Variants in BCR observed in about 807,000 individuals in gnomAD.
The protein encoded by BCR is BCR activator of RhoGEF and GTPase.
Under a neutral mutation model 138.6 loss-of-function variants are expected in BCR, and 58 were observed. The ratio of observed to expected loss-of-function variants is 0.42; its 90% CI spans 0.34 to 0.52. BCR has a LOEUF of 0.52. BCR is among the 20% of genes least tolerant of loss of function. The probability of loss-of-function intolerance (pLI) is 0.06; values close to 1 mark genes in which losing one functional copy is unlikely to be tolerated. For synonymous variants in BCR, 786 were observed against 730.1 expected (o/e 1.08, Z -1.23); for missense variants, 1,599 against 1,727.2 (o/e 0.93, Z 1.32).
intron 2 of BCR, among the ~76,000 whole-genome samples, chr22:23,255,081 T>C (rs2073277731): frequency 6.6e-6 from 1 of 152,172 alleles, no homozygotes; most frequent in African/African-American, 2.4e-5. Context: ...GATGGACTTT[T>C]CCCCATTTCT....
chr22:23,186,611 A>G (rs1025419956), intron 1 of BCR, among the ~76,000 whole-genome samples: 1 of 152,128 alleles, frequency 6.6e-6, no homozygotes, highest in Non-Finnish European at 1.5e-5. Flanking sequence ...TTCAGCTATT[A>G]TAGATACCTC....
At chr22:23,224,848 C>T (rs903909045) in intron 1 of BCR, among the ~76,000 whole-genome samples, 16 of 152,174 alleles carry the variant, frequency 1.1e-4, no homozygotes, top group African/African-American at 3.1e-4. Flanking sequence ...CGCCACTGCA[C>T]TCCATCCTGG....
chr22:23,266,493 G>T (rs935659316), intron 4 of BCR, among the ~76,000 whole-genome samples: 1 of 152,034 alleles, frequency 6.6e-6, no homozygotes, highest in Non-Finnish European at 1.5e-5. Flanking sequence ...AGGTTCAAGC[G>T]ATTCTCCTGT....
chr22:23,183,796 T>A (rs1352958993), intron 1 of BCR, among the ~76,000 whole-genome samples: 1 of 152,266 alleles, frequency 6.6e-6, no homozygotes. Flanking sequence ...TGGAGAATTC[T>A]GGGTTTCCAG....
intron 1 of BCR, among the ~76,000 whole-genome samples, chr22:23,191,436 A>G (rs1449050833): frequency 6.8e-6 from 1 of 147,642 alleles, no homozygotes; most frequent in Non-Finnish European, 1.5e-5. Flanking sequence ...CTGATCTCCA[A>G]GGGCCTTGTC....
At chr22:23,245,443 G>A (rs2073145496) in intron 1 of BCR, among the ~76,000 whole-genome samples, 1 of 152,122 alleles carries the variant, frequency 6.6e-6, no homozygotes, top group African/African-American at 2.4e-5. Flanking sequence ...ATGAGGGCTG[G>A]GAGGCCACAG....
chr22:23,288,284 A>G, intron 12 of BCR, 112 bp downstream of exon 12: 1 of 1,108,260 alleles, frequency 9.0e-7, no homozygotes. Flanking sequence ...ATCCAAGTGA[A>G]GTGTTGCATG....
chr22:23,308,535 G>A (rs1295919759), intron 16 of BCR, among the ~76,000 whole-genome samples: 2 of 152,086 alleles, frequency 1.3e-5, no homozygotes, highest in South Asian at 2.1e-4. Context: ...TCAACCTCCC[G>A]ACCTCGTGAT....
chr22:23,292,464 T>A, intron 14 of BCR, 77 bp from the exon 15 acceptor site: 1 of 1,038,632 alleles, frequency 9.6e-7, no homozygotes, highest in Non-Finnish European at 1.5e-6. Context: ...ATTCTGCAAA[T>A]AACACCTGCT....
chr22:23,186,967 C>G (rs111888690), intron 1 of BCR, among the ~76,000 whole-genome samples: 3 of 152,338 alleles, frequency 2.0e-5, no homozygotes, highest in Admixed American at 6.5e-5. Flanking sequence ...AACTCCTGAC[C>G]TCAAGTGATC....
At chr22:23,185,439 G>A (rs1203202707) in intron 1 of BCR, among the ~76,000 whole-genome samples, 2 of 152,132 alleles carry the variant, frequency 1.3e-5, no homozygotes, top group South Asian at 2.1e-4. Context: ...TCCAAGGCGG[G>A]TGGATCACAA....
In BCR at chr22:23,313,009, G is replaced by T. The variant is rs200099830; in HGVS notation, c.3445G>T (p.Ala1149Ser). 5 of 1,574,542 alleles carry T rather than the reference G, an allele frequency of 3.2e-6. No individual in the cohort carries two copies. The highest frequency in any genetic ancestry group is 1.3e-5 in the African/African-American group (1 of 74,476). The stretch of plus-strand genomic sequence containing the variant: ...CACTGACGAGTTCTACCCCAACTTC[G>T]CAGAGGGCATCGGTGAGCACTGGAG... ...LFTDEFYPNFAEGIALSDPVA... is the reference protein window; with the variant it reads ...LFTDEFYPNFSEGIALSDPVA... Residue 1149 changes from alanine (A) to serine (S), a missense_variant, in exon 20 of 23, where the codon GCA becomes TCA. Ala to Ser is a moderately conservative substitution (Grantham distance 99). Transcript: ENST00000305877.
chr22:23,235,144 A>T lies in BCR; in HGVS notation c.1280-18655A>T, dbSNP rs769622855. ...TTGAGATGGAGTCTCTCGCTCTGTC[A>T]CCCAGGCTGGAGTGCAGTGGTACGA... On this transcript the variant is annotated intron_variant, in intron 1 of 22. Coordinates refer to ENST00000305877, the MANE Select transcript of BCR (RefSeq NM_004327.4). 2.0e-4 allele frequency among the ~76,000 whole-genome samples: 29 copies of T among 143,760 alleles called. 4 individuals are homozygous for T. Among genetic ancestry groups the T allele is most frequent in the Admixed American group, 1.4e-3 (20 of 14,282 alleles). The allele number at this position is 143,760 out of a possible 152,430, so 94.3% of individuals were successfully genotyped here. A position where few individuals can be genotyped will look rare whatever the true frequency, so the allele number is the denominator to read the frequency against.
intron 4 of BCR, among the ~76,000 whole-genome samples, chr22:23,262,310 C>A (rs1183319068): frequency 1.3e-5 from 2 of 152,154 alleles, no homozygotes; most frequent in Non-Finnish European, 2.9e-5. Flanking sequence ...TGGCCTCGGG[C>A]CTCCCCTTGG....
intron 1 of BCR, among the ~76,000 whole-genome samples, chr22:23,215,534 A>C (rs1409900440): frequency 6.6e-6 from 1 of 152,204 alleles, no homozygotes; most frequent in African/African-American, 2.4e-5. Context: ...TTCTCTGCCA[A>C]GGGAGCTTGA....
In BCR at chr22:23,292,514, C is replaced by G. The variant is rs1242156959; in HGVS notation, c.2783-27C>G. The stretch of plus-strand genomic sequence containing the variant: ...GGGTGATGTGGAAAAGACCTGTGAC[C>G]TTCTCCATGTCCACTTCTCCCCACA... On this transcript the variant is annotated intron_variant, in intron 14 of 22. Coordinates refer to ENST00000305877, the MANE Select transcript of BCR (RefSeq NM_004327.4). The G allele has an allele frequency of 1.9e-6, 3 of 1,560,284 alleles. No individual in the cohort carries two copies. In the African/African-American group the frequency reaches 4.1e-5, roughly 21 times the overall value.
intron 8 of BCR, among the ~76,000 whole-genome samples, chr22:23,279,008 G>A (rs1055040324): frequency 2.6e-5 from 4 of 152,238 alleles, no homozygotes; most frequent in Admixed American, 6.5e-5. Context: ...GCGTGGGCAC[G>A]TTGCTTACCT....
intron 1 of BCR, among the ~76,000 whole-genome samples, chr22:23,213,629 C>T (rs1160220963): frequency 1.3e-5 from 2 of 152,102 alleles, no homozygotes; most frequent in African/African-American, 4.8e-5. Flanking sequence ...TTGAGACCAG[C>T]CTGGGCAAGA....
chr22:23,314,676 A>C lies in BCR; in HGVS notation c.3688A>C (p.Thr1230Pro), dbSNP rs772216874. The change falls in exon 22 of 23, where the codon ACC (threonine) becomes CCC (proline). Residue 1230 changes from threonine to proline, a missense_variant. Physicochemically the swap from Thr to Pro is conservative, Grantham distance 38 (BLOSUM62 -1). Transcript: ENST00000305877. ...KLPANPSQPI[T>P]MTDSWSLEVM... is the part of the protein sequence containing the mutation. ...CCCTGCCAACCCCAGCCAGCCTATCACCATGACTGACAGCTGGTCCTTGGA... is the reference window on the plus strand; with the variant it reads ...CCCTGCCAACCCCAGCCAGCCTATCCCCATGACTGACAGCTGGTCCTTGGA... The C allele has an allele frequency of 6.2e-6, 10 of 1,611,400 alleles. No homozygotes were observed. The highest frequency in any genetic ancestry group is 8.5e-6 in the Non-Finnish European group (10 of 1,179,802).
Sources: allele counts gnomAD v4.1 joint callset (sites outside exome capture counted in the v4.1 genomes callset), GRCh38; gene constraint gnomAD v4.1.1; transcripts MANE v1.5; gene names NCBI Gene and HGNC (gene_info 2026-07-23, HGNC 2026-07-21).